Variants in UBASH3B observed in about 807,000 individuals in gnomAD.
UBASH3B encodes ubiquitin-associated and SH3 domain-containing protein B.
A neutral mutation model predicts 83.4 loss-of-function variants in UBASH3B; 37 were observed. The ratio of observed to expected loss-of-function variants is 0.44; its 90% CI spans 0.34 to 0.58. The LOEUF is 0.58. Ranked by LOEUF, UBASH3B falls within the 20% of genes least tolerant of loss-of-function variation. The probability of loss-of-function intolerance (pLI) is 0.01; values close to 1 mark genes in which losing one functional copy is unlikely to be tolerated. For synonymous variants in UBASH3B, 304 were observed against 318.3 expected, an observed-to-expected ratio of 0.96 and a Z score of 0.48; for missense variants, 657 against 827.2, an observed-to-expected ratio of 0.79 and a Z score of 2.52.
At chr11:122,794,582 C>A in intron 6 of UBASH3B, 120 bp from the exon 7 acceptor site, 2 of 1,255,432 alleles carry the variant, frequency 1.6e-6, no homozygotes, top group Non-Finnish European at 2.3e-6. Flanking sequence ...TCAGCATCCC[C>A]CATCATTGTG....
intron 1 of UBASH3B, among the ~76,000 whole-genome samples, chr11:122,752,555 G>A (rs4935809): frequency 0.04 from 6,101 of 152,274 alleles, 276 homozygotes; most frequent in African/African-American, 0.11. Flanking sequence ...TAAGCAAACA[G>A]GGCACGATGC....
intron 1 of UBASH3B, among the ~76,000 whole-genome samples, chr11:122,765,062 T>G (rs1860509555): frequency 6.6e-6 from 1 of 151,746 alleles, no homozygotes. Context: ...TTAACAGGAT[T>G]TTTTGTTTTA....
At chr11:122,661,356 C>T (rs1047926239) in intron 1 of UBASH3B, among the ~76,000 whole-genome samples, 2 of 152,146 alleles carry the variant, frequency 1.3e-5, no homozygotes, top group Admixed American at 1.3e-4. Flanking sequence ...GCATGTGGAG[C>T]CCATGAATTA....
At chr11:122,749,027 C>T (rs1332766608) in intron 1 of UBASH3B, among the ~76,000 whole-genome samples, 1 of 152,240 alleles carries the variant, frequency 6.6e-6, no homozygotes, top group Non-Finnish European at 1.5e-5. Flanking sequence ...GCTTTATGTT[C>T]TCCTGGACCT....
intron 5 of UBASH3B, among the ~76,000 whole-genome samples, chr11:122,787,281 A>G (rs1032679916): frequency 2.6e-5 from 4 of 152,264 alleles, no homozygotes; most frequent in Non-Finnish European, 5.9e-5. Context: ...TAACAATCCC[A>G]CAGAAAACCT....
intron 1 of UBASH3B, among the ~76,000 whole-genome samples, chr11:122,661,859 C>CCA (rs1491500767): frequency 9.5e-6 from 1 of 105,514 alleles, no homozygotes; most frequent in African/African-American, 3.4e-5. Context: ...GTCCTGGTTC[C>CCA]AAAAAAAAAA....
chr11:122,803,008 G>A (rs1229639656), intron 11 of UBASH3B, among the ~76,000 whole-genome samples: 2 of 152,058 alleles, frequency 1.3e-5, no homozygotes, highest in Non-Finnish European at 2.9e-5. Context: ...CTCCAGAATC[G>A]TCCTACCTGA....
rs1861154377 is a variant in UBASH3B at position 122,796,242 on chromosome 11, G to C, written c.1200G>C (p.Gly400=). ...GTGAGAGGATGGATGTTGTGTTTGG[G>C]AAGTACTGGCTGTCCCAGTGCTTCG... ...RHGERMDVVF[G]KYWLSQCFDA... is the part of the protein sequence containing the mutation. Residue 400 remains glycine, a synonymous_variant, in exon 8 of 14, where the codon GGG becomes GGC. Coordinates refer to ENST00000284273, the MANE Select transcript of UBASH3B (RefSeq NM_032873.5). 6.2e-7 allele frequency: 1 copy of C among 1,614,056 alleles called. No individual in the cohort carries two copies. Among genetic ancestry groups the C allele is most frequent in the Admixed American group, 1.7e-5 (1 of 60,014 alleles).
intron 1 of UBASH3B, among the ~76,000 whole-genome samples, chr11:122,730,802 T>A (rs1860831361): frequency 6.6e-6 from 1 of 151,980 alleles, no homozygotes; most frequent in Admixed American, 6.6e-5. Context: ...TCTATGTTGG[T>A]CAGACTGGTC....
intron 1 of UBASH3B, among the ~76,000 whole-genome samples, chr11:122,664,548 C>G (rs1399990495): frequency 6.6e-6 from 1 of 152,122 alleles, no homozygotes; most frequent in Non-Finnish European, 1.5e-5. Context: ...TTCTCTTTTC[C>G]CTGGAGGATG....
At chr11:122,668,241 G>T (rs1354333356) in intron 1 of UBASH3B, among the ~76,000 whole-genome samples, 1 of 152,180 alleles carries the variant, frequency 6.6e-6, no homozygotes, top group African/African-American at 2.4e-5. Context: ...TCCCACCTCG[G>T]CCTCCCAAAG....
At chr11:122,714,572 G>A (rs1226279962) in intron 1 of UBASH3B, among the ~76,000 whole-genome samples, 1 of 152,216 alleles carries the variant, frequency 6.6e-6, no homozygotes, top group Admixed American at 6.5e-5. Flanking sequence ...ACTCAGTCCT[G>A]GCTCTGACTC....
chr11:122,751,427 T>C (rs1861197732), intron 1 of UBASH3B, among the ~76,000 whole-genome samples: 1 of 152,188 alleles, frequency 6.6e-6, no homozygotes, highest in South Asian at 2.1e-4. Flanking sequence ...TGGAGGCTCA[T>C]TGCAGTCTGA....
intron 1 of UBASH3B, among the ~76,000 whole-genome samples, chr11:122,738,296 A>G (rs1441830258): frequency 6.6e-6 from 1 of 152,236 alleles, no homozygotes; most frequent in African/African-American, 2.4e-5. Flanking sequence ...GGCATGAATA[A>G]CTATTAGGGA....
chr11:122,735,999 G>T (rs1242576866), intron 1 of UBASH3B, among the ~76,000 whole-genome samples: 1 of 152,144 alleles, frequency 6.6e-6, no homozygotes, highest in South Asian at 2.1e-4. Flanking sequence ...CAATGTGGAT[G>T]GTGTATAAAA....
chr11:122,744,064 G>A (rs79602850), intron 1 of UBASH3B, among the ~76,000 whole-genome samples: 5 of 152,186 alleles, frequency 3.3e-5, no homozygotes, highest in East Asian at 1.9e-4. Context: ...AGACCCAGGC[G>A]TCAGTGAGAT....
At chr11:122,754,769 G>C (rs1404341142) in intron 1 of UBASH3B, among the ~76,000 whole-genome samples, 1 of 152,180 alleles carries the variant, frequency 6.6e-6, no homozygotes, top group East Asian at 1.9e-4. Flanking sequence ...GCAGCACACA[G>C]AAACTCATAG....
chr11:122,708,521 TG>T (rs1448103993), intron 1 of UBASH3B, among the ~76,000 whole-genome samples: 1 of 152,180 alleles, frequency 6.6e-6, no homozygotes, highest in Non-Finnish European at 1.5e-5. Flanking sequence ...CTTGAACTCC[TG>T]ACCTCAAGTG....
rs1489747639 is a variant in UBASH3B at position 122,811,268 on chromosome 11, CA to C, written c.*1385del. The C allele has an allele frequency of 6.6e-6, 1 of 152,606 alleles. No homozygotes were observed. Among genetic ancestry groups the C allele is most frequent in the South Asian group, 2.1e-4 (1 of 4,834 alleles). 9.5% of individuals were successfully genotyped at this position (152,606 alleles called of 1,614,324 possible). On this transcript the variant is annotated 3_prime_UTR_variant, in exon 14 of 14. Transcript: ENST00000284273. ...TAGTTCACTCTGTAGAAGATGTATG[CA>C]AAGTGAAATGCCAGCCCTTTAAAGA...
Sources: gnomAD v4.1 joint callset for allele counts (sites outside exome capture counted in the v4.1 genomes callset) on GRCh38, gnomAD v4.1.1 for gene constraint, MANE v1.5 for transcripts, NCBI Gene and HGNC (gene_info 2026-07-23, HGNC 2026-07-21) for gene names.